Variants in TRAF3 observed in about 807,000 individuals in gnomAD.
The protein encoded by TRAF3 is TNF receptor associated factor 3, also known as TNF receptor-associated factor 3.
A neutral mutation model predicts 62.3 loss-of-function variants in TRAF3; 13 were observed. The ratio of observed to expected loss-of-function variants is 0.21; its 90% CI spans 0.14 to 0.33. TRAF3 has a LOEUF of 0.33. TRAF3 is among the 10% of genes least tolerant of loss of function. The pLI, the probability that TRAF3 is intolerant of heterozygous loss-of-function variation, is 1.00. For synonymous variants in TRAF3, 269 were observed against 283.4 expected, an observed-to-expected ratio of 0.95 and a Z score of 0.51; for missense variants, 440 against 741.8, an observed-to-expected ratio of 0.59 and a Z score of 4.73.
At chr14:102,834,575 T>C (rs1181988704) in intron 2 of TRAF3, among the ~76,000 whole-genome samples, 3 of 149,848 alleles carry the variant, frequency 2.0e-5, no homozygotes, top group Non-Finnish European at 4.4e-5. Context: ...TAGTCCCAGC[T>C]ACTCGGAGAG....
intron 1 of TRAF3, among the ~76,000 whole-genome samples, chr14:102,778,238 C>G (rs895720137): frequency 3.3e-5 from 5 of 151,490 alleles, no homozygotes; most frequent in Non-Finnish European, 7.4e-5. Flanking sequence ...GCGCGGCCGC[C>G]GAGGGCCGGC....
At chr14:102,864,147 C>CTTT (rs1022782387) in intron 2 of TRAF3, among the ~76,000 whole-genome samples, 7 of 133,948 alleles carry the variant, frequency 5.2e-5, no homozygotes, top group South Asian at 2.4e-4. Flanking sequence ...TTGCCTTTTT[C>CTTT]TTTTTTTTTT....
At position 102,896,260 on chromosome 14, in the gene TRAF3, C is replaced by G. The variant is rs190519821; in HGVS notation, c.820-1001C>G. 2.2e-3 allele frequency among the ~76,000 whole-genome samples: 334 copies of G among 152,272 alleles called. 4 individuals are homozygous for G. The highest frequency in any genetic ancestry group is 2.3e-3 in the South Asian group (11 of 4,822). On this transcript the variant is annotated intron_variant, in intron 9 of 11. Transcript: ENST00000392745. ...GGCTCAAAAACGTCCGCCCCTCTGT[C>G]TAACTGAGGCTCTGTGCCCTTTGCC...
chr14:102,797,677 A>C (rs1322527432), intron 1 of TRAF3, among the ~76,000 whole-genome samples: 1 of 152,150 alleles, frequency 6.6e-6, no homozygotes, highest in Non-Finnish European at 1.5e-5. Flanking sequence ...ATCAGTTTTT[A>C]AAAATCCATA....
At chr14:102,850,745 C>T (rs1253640063) in intron 2 of TRAF3, among the ~76,000 whole-genome samples, 3 of 151,482 alleles carry the variant, frequency 2.0e-5, no homozygotes, top group African/African-American at 7.3e-5. Context: ...ATGCTGCGCT[C>T]CTGGTAGTTT....
intron 1 of TRAF3, among the ~76,000 whole-genome samples, chr14:102,780,338 C>A (rs536587188): frequency 3.0e-4 from 45 of 150,816 alleles, no homozygotes; most frequent in Non-Finnish European, 4.7e-4. Flanking sequence ...AAAAAAAAAA[C>A]CGAGAAAATG....
intron 8 of TRAF3, among the ~76,000 whole-genome samples, chr14:102,890,989 A>C (rs1473555189): frequency 6.6e-6 from 1 of 152,206 alleles, no homozygotes; most frequent in Non-Finnish European, 1.5e-5. Flanking sequence ...ATAGGTCAAG[A>C]ATGAGTTTAA....
chr14:102,856,515 C>T (rs374327715), intron 2 of TRAF3, among the ~76,000 whole-genome samples: 3 of 152,156 alleles, frequency 2.0e-5, no homozygotes, highest in African/African-American at 7.2e-5. Flanking sequence ...TCACTTTCAT[C>T]GCCATCTTGG....
At chr14:102,841,057 G>A (rs769492546) in intron 2 of TRAF3, among the ~76,000 whole-genome samples, 3 of 152,180 alleles carry the variant, frequency 2.0e-5, no homozygotes, top group Non-Finnish European at 4.4e-5. Context: ...GGACGTGGAC[G>A]CATTACAATA....
chr14:102,876,518 C>T lies in TRAF3; in HGVS notation c.563C>T (p.Ala188Val), dbSNP rs763088249. 70 of 1,613,460 alleles carry T rather than the reference C, an allele frequency of 4.3e-5. No individual in the cohort carries two copies. The East Asian group carries it at 8.5e-4, about 20-fold the overall frequency. ...TGCAAGAGTCAGGTTCCGATGATCG[C>T]GCTGCAGGTGCGGGTCCTCCCATTC... ...SHCKSQVPMI[A>V]LQKHEDTDCP... Residue 188 changes from alanine (A) to valine (V), a missense_variant, in exon 6 of 12, where the codon GCG (alanine) becomes GTG (valine). Around this residue, in one of 6 missense-constraint regions of TRAF3, gnomAD observed 255 missense variants for 424.1 expected, o/e 0.60. Transcript: ENST00000392745.
chr14:102,806,814 G>A (rs1190024081), intron 1 of TRAF3, among the ~76,000 whole-genome samples: 2 of 152,154 alleles, frequency 1.3e-5, no homozygotes, highest in Non-Finnish European at 2.9e-5. Context: ...CGGACCTGCA[G>A]GACAAGGAGG....
At chr14:102,780,024 T>C (rs1897208839) in intron 1 of TRAF3, among the ~76,000 whole-genome samples, 1 of 152,236 alleles carries the variant, frequency 6.6e-6, no homozygotes. Context: ...CACTTGGTGT[T>C]CTTTTTTTGC....
At chr14:102,793,245 G>A (rs999363926) in intron 1 of TRAF3, among the ~76,000 whole-genome samples, 1 of 152,164 alleles carries the variant, frequency 6.6e-6, no homozygotes, top group Admixed American at 6.5e-5. Flanking sequence ...TTGGCCTCCT[G>A]TGCTCAAGTG....
chr14:102,824,441 T>C (rs1024216917), intron 1 of TRAF3, among the ~76,000 whole-genome samples: 2 of 152,268 alleles, frequency 1.3e-5, no homozygotes, highest in African/African-American at 4.8e-5. Context: ...TTCTCTCTGC[T>C]TCCTCTTGGG....
chr14:102,854,207 C>T (rs1459852551), intron 2 of TRAF3, among the ~76,000 whole-genome samples: 3 of 151,888 alleles, frequency 2.0e-5, no homozygotes, highest in Non-Finnish European at 4.4e-5. Flanking sequence ...TGAGCTGTTT[C>T]TACTTTTTTT....
intron 2 of TRAF3, among the ~76,000 whole-genome samples, chr14:102,834,164 AC>A (rs1885825641): frequency 1.3e-5 from 2 of 152,174 alleles, no homozygotes; most frequent in Non-Finnish European, 2.9e-5. Context: ...AAGCAAAAGA[AC>A]AAAGCTGGAG....
chr14:102,895,259 G>A (rs1595405171), intron 9 of TRAF3: 4 of 330,988 alleles, frequency 1.2e-5, no homozygotes, highest in Middle Eastern at 3.9e-4. Flanking sequence ...AAGCCTTTGC[G>A]GAGTAAAATC....
intron 6 of TRAF3, among the ~76,000 whole-genome samples, chr14:102,879,158 C>A (rs1445664717): frequency 6.6e-6 from 1 of 151,988 alleles, no homozygotes; most frequent in Admixed American, 6.5e-5. Context: ...CTGGGCACAC[C>A]CTCAGAGGCT....
intron 2 of TRAF3, among the ~76,000 whole-genome samples, chr14:102,854,356 C>T (rs1356611568): frequency 1.3e-5 from 2 of 152,172 alleles, no homozygotes; most frequent in Non-Finnish European, 2.9e-5. Flanking sequence ...GAGGAACTGC[C>T]AGATTGTTTC....
Sources: gnomAD v4.1 joint callset for allele counts (sites outside exome capture counted in the v4.1 genomes callset) on GRCh38, gnomAD v4.1.1 for gene constraint, gnomAD v4.1.1 regional missense constraint, MANE v1.5 for transcripts, NCBI Gene and HGNC (gene_info 2026-07-23, HGNC 2026-07-21) for gene names.